The following IL10RA variants were observed in gnomAD, a reference collection of about 807,000 sequenced individuals.
IL10RA encodes the protein interleukin-10 receptor subunit alpha.
A neutral mutation model predicts 29.6 loss-of-function variants in IL10RA; 18 were observed. The ratio of observed to expected loss-of-function variants is 0.61; its 90% CI spans 0.42 to 0.90. The LOEUF is 0.90. Among genes scored for constraint, IL10RA ranks in the 40% least tolerant of loss-of-function variants. The pLI, the probability that IL10RA is intolerant of heterozygous loss-of-function variation, is 0.00. For missense variants in IL10RA, 634 were observed against 716.6 expected, an observed-to-expected ratio of 0.88 and a Z score of 1.32; for synonymous variants, 292 against 294.1, an observed-to-expected ratio of 0.99 and a Z score of 0.07.
rs144925058 is a variant in IL10RA at position 117,986,983 on chromosome 11, C to A, written c.67+449C>A. ...TTCATCCCTCACTGATCACCCCGAT[C>A]TGATCCCCCTTGCTCCACCTGTAGC... is the stretch of plus-strand genomic sequence containing the variant. On this transcript the variant is annotated intron_variant, in intron 1 of 6. Transcript: ENST00000227752. The A allele has an allele frequency of 3.0e-4, 160 of 538,144 alleles. 2 individuals carry two copies. In the East Asian group the frequency reaches 9.6e-3, roughly 32 times the overall value. The allele number at this position is 538,144 out of a possible 1,614,324, so 33.3% of individuals were successfully genotyped here.
chr11:117,993,854 G>A, intron 4 of IL10RA, 145 bp from the exon 5 acceptor site: 1 of 711,054 alleles, frequency 1.4e-6, no homozygotes, highest in South Asian at 1.5e-5. Context: ...ATCATGTGCT[G>A]CATTGGTAAT....
chr11:117,996,238 G>T (rs1401785229), intron 6 of IL10RA, among the ~76,000 whole-genome samples: 1 of 152,090 alleles, frequency 6.6e-6, no homozygotes, highest in African/African-American at 2.4e-5. Context: ...GGCCAGAGGA[G>T]AGAGGACACT....
chr11:117,992,594 A>G (rs1350168942), intron 3 of IL10RA, among the ~76,000 whole-genome samples: 2 of 152,110 alleles, frequency 1.3e-5, no homozygotes, highest in Non-Finnish European at 2.9e-5. Flanking sequence ...TTGGATATGA[A>G]CCCCTTATTC....
rs1450443487 is a variant in IL10RA, at chr11:118,000,284, AC to A, written c.*646del. 1 of 454,054 alleles carries A rather than the reference AC, an allele frequency of 2.2e-6. No homozygotes were observed. The allele number at this position is 454,054 out of a possible 1,614,324, so 28.1% of individuals were successfully genotyped here. On this transcript the variant is annotated 3_prime_UTR_variant, in exon 7 of 7. Transcript: ENST00000227752. ...CTGAGGGGAGACAAAGGGAGCCGAG[AC>A]CCTGGATGGGGCTTCCAGCTCAGAA... is the stretch of plus-strand genomic sequence containing the variant.
chr11:117,986,830 G>T (rs1399720209), intron 1 of IL10RA: 2 of 1,480,836 alleles, frequency 1.4e-6, no homozygotes, highest in Non-Finnish European at 9.0e-7. Context: ...TTAGCTCTAG[G>T]TTTTTTGCTG....
chr11:117,986,947 C>T (rs1374091101), intron 1 of IL10RA: 1 of 774,790 alleles, frequency 1.3e-6, no homozygotes, highest in African/African-American at 1.8e-5. Flanking sequence ...CTGTCCTTCT[C>T]CCATCTCACC....
At chr11:117,993,921 C>T (rs572820332) in intron 4 of IL10RA, 78 bp from the exon 5 acceptor site, 1 of 1,348,922 alleles carries the variant, frequency 7.4e-7, no homozygotes, top group South Asian at 1.2e-5. Context: ...GAAATCACCT[C>T]TAAAGGCCCA....
Position 117,986,453 on chromosome 11 carries a change from T to G in IL10RA, c.-15T>G. On this transcript the variant is annotated 5_prime_UTR_variant, in exon 1 of 7. The change abolishes an upstream ATG in the 5' untranslated region. Transcript: ENST00000227752. The stretch of plus-strand genomic sequence containing the variant: ...CCGGCTCCGCTCCGGCCCCGGACGA[T>G]GCGGCGCGCCCAGGATGCTGCCGTG... 6.4e-7 allele frequency: 1 copy of G among 1,550,908 alleles called. No homozygotes were observed. The highest frequency in any genetic ancestry group is 1.4e-5 in the African/African-American group (1 of 73,170).
downstream of IL10RA, chr11:118,002,266 C>T (rs1350060399): frequency 6.6e-6 from 1 of 152,268 alleles, no homozygotes; most frequent in Non-Finnish European, 1.5e-5. Context: ...CTACCTGAAT[C>T]CCCTAGAAGG....
At position 117,989,428 on chromosome 11, in the gene IL10RA, TG is replaced by T; in HGVS notation, c.189-12del. On this transcript the variant is annotated splice_polypyrimidine_tract_variant and intron_variant, in intron 2 of 6. Coordinates refer to ENST00000227752, the MANE Select transcript of IL10RA (RefSeq NM_001558.4). This position sits in a 1 kb window ranked among gnomAD's most constrained non-coding sequence, Gnocchi z 4.5. ...ACAAGCTCGTTTCCAGTGCCTAACCTGGTATCTCCTCAGGTATGGAATAGAG... is the reference window on the plus strand; with the variant it reads ...ACAAGCTCGTTTCCAGTGCCTAACCTGTATCTCCTCAGGTATGGAATAGAG... 1 of 1,613,000 alleles carries T rather than the reference TG, an allele frequency of 6.2e-7. No homozygotes were observed. Among genetic ancestry groups the T allele is most frequent in the Non-Finnish European group, 8.5e-7 (1 of 1,178,914 alleles).
intron 3 of IL10RA, among the ~76,000 whole-genome samples, chr11:117,991,692 CA>C (rs1468437279): frequency 6.6e-6 from 1 of 152,162 alleles, no homozygotes; most frequent in Non-Finnish European, 1.5e-5. Flanking sequence ...TTATTTCGCT[CA>C]TGATGTCCTC....
rs1405554105 is a variant in IL10RA, at chr11:117,986,436, G to A, written c.-32G>A. ...AGCTGGAGGCGCGCAGGCCGGCTCC[G>A]CTCCGGCCCCGGACGATGCGGCGCG... is the stretch of plus-strand genomic sequence containing the variant. On this transcript the variant is annotated 5_prime_UTR_variant, in exon 1 of 7. Coordinates refer to ENST00000227752, the MANE Select transcript of IL10RA (RefSeq NM_001558.4). 6.5e-7 allele frequency: 1 copy of A among 1,546,414 alleles called. No homozygotes were observed. Among genetic ancestry groups the A allele is most frequent in the Non-Finnish European group, 8.7e-7 (1 of 1,145,342 alleles).
intron 4 of IL10RA, 138 bp downstream of exon 4, chr11:117,993,548 G>A: frequency 1.3e-6 from 1 of 783,356 alleles, no homozygotes. Context: ...GGGCAGAGGA[G>A]GGAGTAGAAA....
intron 6 of IL10RA, among the ~76,000 whole-genome samples, chr11:117,997,096 A>G (rs1257325484): frequency 6.6e-6 from 1 of 152,236 alleles, no homozygotes; most frequent in Non-Finnish European, 1.5e-5. Context: ...GTATTATTGG[A>G]CAAGGAAGGG....
chr11:117,998,110 C>T (rs376437889), intron 6 of IL10RA, among the ~76,000 whole-genome samples: 4 of 152,172 alleles, frequency 2.6e-5, no homozygotes, highest in East Asian at 3.8e-4. Context: ...CACTGCCCCA[C>T]GCTGCAGCCA....
At position 117,989,621 on chromosome 11, in the gene IL10RA, G is replaced by A. The variant is rs1195901493; in HGVS notation, c.367+1G>A. 3 of 1,613,740 alleles carry A rather than the reference G, an allele frequency of 1.9e-6. No individual in the cohort carries two copies. ...AACACCCGCTTCTCTGTGGATGAAGGTGCTTTTCCTCCCTTGACTTAGAAC... is the reference window on the plus strand; with the variant it reads ...AACACCCGCTTCTCTGTGGATGAAGATGCTTTTCCTCCCTTGACTTAGAAC... On this transcript the variant is annotated splice_donor_variant, in intron 3 of 6. Coordinates refer to ENST00000227752, the MANE Select transcript of IL10RA (RefSeq NM_001558.4). LOFTEE classifies it high-confidence loss of function. The surrounding 1 kb of genome is among the most constrained non-coding windows in gnomAD (Gnocchi z 4.5).
In IL10RA at chr11:118,000,944, A is replaced by G. The variant is rs900473418; in HGVS notation, c.*1303A>G. ...CCATTTGGACTCTGCCTTCAAACAA[A>G]GGCAGTTCAGTCCACAGGCATGGAA... On this transcript the variant is annotated 3_prime_UTR_variant, in exon 7 of 7. Transcript: ENST00000227752. 2 of 454,190 alleles carry G rather than the reference A, an allele frequency of 4.4e-6. No individual in the cohort carries two copies. Among genetic ancestry groups the G allele is most frequent in the Non-Finnish European group, 8.8e-6 (2 of 226,740 alleles). The allele number at this position is 454,190 out of a possible 1,614,324, so 28.1% of individuals were successfully genotyped here.
intron 4 of IL10RA, among the ~76,000 whole-genome samples, 200 bp from the exon 5 acceptor site, chr11:117,993,799 G>A (rs1484405436): frequency 2.0e-5 from 3 of 152,108 alleles, no homozygotes; most frequent in South Asian, 4.1e-4. Flanking sequence ...ATAAAACACC[G>A]CTTTTTCTTT....
rs184203245 is a variant in IL10RA, at chr11:118,000,478, T to C, written c.*837T>C. On this transcript the variant is annotated 3_prime_UTR_variant, in exon 7 of 7. Transcript: ENST00000227752. ...CTTCCAGAGAAGCCATGGTTTTTTGTATTGGTCATAACTCAGCCCTTTGGG... is the reference window on the plus strand; with the variant it reads ...CTTCCAGAGAAGCCATGGTTTTTTGCATTGGTCATAACTCAGCCCTTTGGG... 3.7e-5 allele frequency: 17 copies of C among 454,274 alleles called. No individual in the cohort carries two copies. The Admixed American group carries it at 3.8e-4, about 10-fold the overall frequency. 28.1% of individuals were successfully genotyped at this position (454,274 alleles called of 1,614,324 possible).
Sources: gnomAD v4.1 joint callset for allele counts (sites outside exome capture counted in the v4.1 genomes callset) on GRCh38, gnomAD v4.1.1 for gene constraint, Gnocchi (gnomAD v3.1) non-coding constraint, MANE v1.5 for transcripts, NCBI Gene and HGNC (gene_info 2026-07-23, HGNC 2026-07-21) for gene names.